Variants in CSNK1G3 observed in about 807,000 individuals in gnomAD.
CSNK1G3 encodes the protein casein kinase I isoform gamma-3.
In CSNK1G3, 23 loss-of-function variants were observed where a neutral mutation model predicts 64.3. The observed-to-expected ratio is 0.36, with a 90% CI of 0.26 to 0.51. The LOEUF (loss-of-function observed/expected upper bound fraction) is 0.51, where lower values mean the gene tolerates loss of function less well. Among genes scored for constraint, CSNK1G3 ranks in the 20% least tolerant of loss-of-function variants. CSNK1G3 has a pLI of 0.96. For missense variants in CSNK1G3, 357 were observed against 510.5 expected, an observed-to-expected ratio of 0.70 and a Z score of 2.90; for synonymous variants, 158 against 162.2, an observed-to-expected ratio of 0.97 and a Z score of 0.20.
intron 1 of CSNK1G3, among the ~76,000 whole-genome samples, chr5:123,530,991 A>C (rs527740155): frequency 4.6e-5 from 7 of 152,138 alleles, no homozygotes; most frequent in Non-Finnish European, 1.0e-4. Context: ...AAATATCTTT[A>C]CTGATTTAAA....
At chr5:123,595,110 A>G (rs151208790) in intron 10 of CSNK1G3, 1 of 1,613,676 alleles carries the variant, frequency 6.2e-7, no homozygotes, top group Non-Finnish European at 8.5e-7. Flanking sequence ...ACCTTGCAGC[A>G]GACAGACATG....
chr5:123,548,935 T>C (rs1225796380), intron 2 of CSNK1G3, among the ~76,000 whole-genome samples: 1 of 152,200 alleles, frequency 6.6e-6, no homozygotes, highest in Admixed American at 6.5e-5. Flanking sequence ...TGTACAATAT[T>C]GGTTGTTTAC....
At chr5:123,546,336 A>G (rs1782512061) in intron 2 of CSNK1G3, among the ~76,000 whole-genome samples, 1 of 152,024 alleles carries the variant, frequency 6.6e-6, no homozygotes, top group Admixed American at 6.6e-5. Flanking sequence ...GGTGGGGCTC[A>G]GGAGTCTATA....
intron 1 of CSNK1G3, among the ~76,000 whole-genome samples, chr5:123,515,438 G>T (rs1455790682): frequency 6.6e-6 from 1 of 152,150 alleles, no homozygotes; most frequent in Non-Finnish European, 1.5e-5. Flanking sequence ...GAAATGTAAA[G>T]AATGTATATT....
rs1036054963 is a variant in CSNK1G3, at chr5:123,613,102, T to C, written c.1218-1240T>C. ...TTGTATATTTTAATAGACTCTTTTA[T>C]GTCTGGAAGGGGAAAATGCCATACC... On this transcript the variant is annotated intron_variant, in intron 12 of 12. Coordinates refer to ENST00000345990, the Ensembl canonical transcript of CSNK1G3. Among the ~76,000 whole-genome samples, 5 of 152,188 alleles carry C rather than the reference T, an allele frequency of 3.3e-5. 1 individual carries two copies. The highest frequency in any genetic ancestry group is 1.3e-4 in the Admixed American group (2 of 15,284).
chr5:123,517,295 A>G (rs1186524237), intron 1 of CSNK1G3, among the ~76,000 whole-genome samples: 1 of 152,100 alleles, frequency 6.6e-6, no homozygotes, highest in East Asian at 1.9e-4. Context: ...TTGAACTTTT[A>G]TTCCCCCCAG....
intron 2 of CSNK1G3, among the ~76,000 whole-genome samples, chr5:123,552,152 A>ATT (rs11455353): frequency 6.9e-4 from 103 of 149,010 alleles, no homozygotes; most frequent in Middle Eastern, 3.4e-3. Context: ...TATGATCCTA[A>ATT]TTTTTTTTTT....
At chr5:123,604,672 A>G in intron 10 of CSNK1G3, 52 bp from the exon 12 acceptor site, 2 of 883,110 alleles carry the variant, frequency 2.3e-6, no homozygotes, top group Non-Finnish European at 3.6e-6. Context: ...ATGTATATTT[A>G]TGAGCATGTG....
intron 4 of CSNK1G3, among the ~76,000 whole-genome samples, chr5:123,558,040 A>C (rs1339293928): frequency 6.6e-6 from 1 of 152,148 alleles, no homozygotes; most frequent in Admixed American, 6.6e-5. Flanking sequence ...ATTTACACAC[A>C]CAGAAAAGGA....
intron 9 of CSNK1G3, 66 bp from the exon 10 acceptor site, chr5:123,591,253 G>T: frequency 2.0e-6 from 2 of 975,834 alleles, no homozygotes; most frequent in South Asian, 3.8e-5. Flanking sequence ...CTTTTAAGCA[G>T]CTAAATGATT....
chr5:123,531,032 A>G (rs1035637698), intron 1 of CSNK1G3, among the ~76,000 whole-genome samples: 1 of 152,146 alleles, frequency 6.6e-6, no homozygotes, highest in Non-Finnish European at 1.5e-5. Context: ...ATGTATTGTA[A>G]TATAATTTTT....
rs189924062 is a variant in CSNK1G3, at chr5:123,542,543, A to C, written c.-247-2874A>C. Reference sequence around the variant, plus strand: ...TTTCTTGTTGTGCAGGTCTGCTGGCAACTAATTCTTAGCTTCCCTTCATCC... The same window carrying C: ...TTTCTTGTTGTGCAGGTCTGCTGGCCACTAATTCTTAGCTTCCCTTCATCC... On this transcript the variant is annotated intron_variant, in intron 1 of 12. Coordinates refer to ENST00000345990, the Ensembl canonical transcript of CSNK1G3. 1.3e-4 allele frequency among the ~76,000 whole-genome samples: 20 copies of C among 152,306 alleles called. No individual in the cohort carries two copies. The East Asian group carries it at 3.5e-3, about 26-fold the overall frequency.
intron 5 of CSNK1G3, among the ~76,000 whole-genome samples, chr5:123,575,240 CATGTT>C (rs1788942578): frequency 6.6e-6 from 1 of 151,974 alleles, no homozygotes; most frequent in Non-Finnish European, 1.5e-5. Flanking sequence ...GTAAAGGAAA[CATGTT>C]ATGAAAAAGA....
intron 6 of CSNK1G3, 82 bp downstream of exon 6, chr5:123,576,045 T>C (rs1789091696): frequency 1.2e-6 from 1 of 807,300 alleles, no homozygotes; most frequent in Non-Finnish European, 2.0e-6. Flanking sequence ...TATGGTTCAG[T>C]TTTTGCAGAT....
intron 2 of CSNK1G3, among the ~76,000 whole-genome samples, chr5:123,546,737 A>G (rs1029699640): frequency 2.0e-5 from 3 of 152,032 alleles, no homozygotes; most frequent in Non-Finnish European, 4.4e-5. Flanking sequence ...AATAAATCCA[A>G]TTTTATGTTT....
In CSNK1G3 at chr5:123,595,484, T is replaced by C. The variant is rs1793255408; in HGVS notation, c.1086+4070T>C. On this transcript the variant is annotated intron_variant, in intron 10 of 12. Coordinates refer to ENST00000345990, the Ensembl canonical transcript of CSNK1G3. ...TTTTAATGCTTAAATTAATAGAACA[T>C]TTTTGTATTTTTTCCCATTCATTGA... Among the ~76,000 whole-genome samples the C allele has an allele frequency of 2.6e-5, 4 of 152,100 alleles. No individual in the cohort carries two copies. In the South Asian group the frequency reaches 8.3e-4, roughly 32 times the overall value.
Position 123,519,087 on chromosome 5 carries a change from CTT to C in CSNK1G3, c.-248+6518_-248+6519del, listed in dbSNP as rs1190466324. ...TTACTTTTTGAGACGGAGTTTTACT[CTT>C]GTTTCCCAGGCTGGAGTGCCATGGC... On this transcript the variant is annotated intron_variant, in intron 1 of 12. Coordinates refer to ENST00000345990, the Ensembl canonical transcript of CSNK1G3. Among the ~76,000 whole-genome samples, 12 of 151,718 alleles carry C rather than the reference CTT, an allele frequency of 7.9e-5. No homozygotes were observed. The East Asian group carries it at 1.9e-3, about 25-fold the overall frequency.
At chr5:123,605,560 G>A (rs921817180) in intron 12 of CSNK1G3, among the ~76,000 whole-genome samples, 198 bp downstream of exon 13, 1 of 152,088 alleles carries the variant, frequency 6.6e-6, no homozygotes, top group Admixed American at 6.6e-5. Context: ...TTTGCCTGCT[G>A]CAACTTTTTT....
intron 4 of CSNK1G3, among the ~76,000 whole-genome samples, chr5:123,568,717 C>G (rs1191520393): frequency 1.3e-5 from 2 of 152,176 alleles, no homozygotes; most frequent in Admixed American, 6.5e-5. Flanking sequence ...CTTTGTAAAA[C>G]TTCTTGAACT....
Sources: gnomAD v4.1 joint callset for allele counts (sites outside exome capture counted in the v4.1 genomes callset) on GRCh38, gnomAD v4.1.1 for gene constraint, MANE v1.5 for transcripts, NCBI Gene and HGNC (gene_info 2026-07-23, HGNC 2026-07-21) for gene names.